Variants in LRRC9 observed in about 807,000 individuals in gnomAD.
LRRC9 encodes leucine rich repeat containing 9.
A neutral mutation model predicts 63.2 loss-of-function variants in LRRC9; 122 were observed. That is an observed-to-expected ratio of 1.93 (90% confidence interval 1.67 to 2.24). The LOEUF (loss-of-function observed/expected upper bound fraction) is 2.24, where lower values mean the gene tolerates loss of function less well. Among genes scored for constraint, LRRC9 ranks in the 30% most tolerant of loss-of-function variants. LRRC9 has a pLI of 0.00. For missense variants in LRRC9, 1,071 were observed against 627.7 expected (o/e 1.71, Z -7.55); for synonymous variants, 366 against 213.1 (o/e 1.72, Z -6.25).
At chr14:60,023,563 A>G (rs1891282745) in intron 27 of LRRC9, among the ~76,000 whole-genome samples, 3 of 152,070 alleles carry the variant, frequency 2.0e-5, no homozygotes, top group African/African-American at 4.8e-5. Flanking sequence ...TCCTCTAAAC[A>G]TGATTAATTT....
At chr14:59,929,576 G>A (rs987054522) in intron 3 of LRRC9, among the ~76,000 whole-genome samples, 1 of 151,978 alleles carries the variant, frequency 6.6e-6, no homozygotes, top group Non-Finnish European at 1.5e-5. Context: ...CCATTACTGG[G>A]TATATACCCA....
intron 17 of LRRC9, among the ~76,000 whole-genome samples, chr14:59,994,924 G>A (rs1888585653): frequency 6.6e-6 from 1 of 151,838 alleles, no homozygotes; most frequent in Admixed American, 6.6e-5. Flanking sequence ...TGAGTTACTG[G>A]GTGCAGCACA....
intron 5 of LRRC9, 103 bp downstream of exon 5, chr14:59,931,785 G>C: frequency 1.6e-6 from 1 of 611,818 alleles, no homozygotes; most frequent in East Asian, 2.8e-5. Context: ...TTTTTTCTGT[G>C]ACATATTTGC....
intron 7 of LRRC9, among the ~76,000 whole-genome samples, chr14:59,940,536 CA>C (rs1881652191): frequency 6.6e-6 from 1 of 152,036 alleles, no homozygotes; most frequent in Non-Finnish European, 1.5e-5. Flanking sequence ...GAGGGAAGAA[CA>C]TATGGATTCA....
rs1893763560 is a variant in LRRC9 at position 60,050,090 on chromosome 14, G to A, written c.3991-2975G>A. 2.0e-5 allele frequency among the ~76,000 whole-genome samples: 3 copies of A among 151,946 alleles called. No homozygotes were observed. The East Asian group carries it at 5.8e-4, about 29-fold the overall frequency. On this transcript the variant is annotated intron_variant, in intron 29 of 31. Coordinates refer to ENST00000445360, the Ensembl canonical transcript of LRRC9. ...CGGCTCACTGCAACCTCCACCTCCT[G>A]GGTTCAAGTGATTCTCCTGCCTCAG...
chr14:59,992,769 A>G (rs1888294250), intron 17 of LRRC9, among the ~76,000 whole-genome samples: 2 of 152,324 alleles, frequency 1.3e-5, no homozygotes, highest in South Asian at 4.1e-4. Context: ...AAAAGAATAA[A>G]AAGAAATGAA....
At chr14:59,989,927 CTTT>C (rs71451089) in intron 17 of LRRC9, among the ~76,000 whole-genome samples, 2 of 132,314 alleles carry the variant, frequency 1.5e-5, no homozygotes, top group African/African-American at 2.8e-5. Context: ...CTAGACCTTC[CTTT>C]TTTTTTTTTT....
rs1887462930 is a variant in LRRC9 at position 59,986,268 on chromosome 14, C to A, written c.2211+1044C>A. ...ATGTGGTTCCAGAACTGCAACCCAG[C>A]ATCTCCTGTTTACATGGGTTCCAGG... On this transcript the variant is annotated intron_variant, in intron 17 of 31. Transcript: ENST00000445360. This position sits in a 1 kb window ranked among gnomAD's most constrained non-coding sequence, Gnocchi z 4.7. Among the ~76,000 whole-genome samples the A allele has an allele frequency of 6.6e-6, 1 of 152,150 alleles. No individual in the cohort carries two copies. The highest frequency in any genetic ancestry group is 1.5e-5 in the Non-Finnish European group (1 of 68,008).
chr14:59,939,028 T>TATATACAC (rs1881436180), intron 7 of LRRC9, among the ~76,000 whole-genome samples: 1 of 147,778 alleles, frequency 6.8e-6, no homozygotes. Context: ...TATATATACA[T>TATATACAC]ATATACACAT....
chr14:59,988,935 A>G (rs1261964153), intron 17 of LRRC9, among the ~76,000 whole-genome samples: 4 of 152,152 alleles, frequency 2.6e-5, no homozygotes, highest in African/African-American at 9.6e-5. Context: ...TTTGGCTCAC[A>G]ATTTATTTTT....
At chr14:60,052,018 C>A (rs1893932303) in intron 29 of LRRC9, among the ~76,000 whole-genome samples, 1 of 152,154 alleles carries the variant, frequency 6.6e-6, no homozygotes, top group East Asian at 1.9e-4. Context: ...CCTAGTCAGT[C>A]CCAATGTGAG....
intron 28 of LRRC9, among the ~76,000 whole-genome samples, chr14:60,029,607 T>G (rs1043500195): frequency 6.6e-6 from 1 of 152,094 alleles, no homozygotes; most frequent in Admixed American, 6.6e-5. Context: ...AGATTAGACC[T>G]GGTAATCTGC....
At chr14:59,937,949 C>T (rs1881221429) in intron 6 of LRRC9, among the ~76,000 whole-genome samples, 2 of 152,046 alleles carry the variant, frequency 1.3e-5, no homozygotes, top group Non-Finnish European at 2.9e-5. Context: ...GATCCCATAG[C>T]CTTTAATGAG....
intron 29 of LRRC9, among the ~76,000 whole-genome samples, chr14:60,050,713 T>C (rs901311891): frequency 3.5e-4 from 53 of 152,224 alleles, no homozygotes; most frequent in African/African-American, 1.3e-3. Context: ...GGGGCTTATC[T>C]ACCTTCAATC....
intron 17 of LRRC9, among the ~76,000 whole-genome samples, chr14:59,994,808 C>A (rs1313330927): frequency 7.1e-6 from 1 of 140,570 alleles, no homozygotes. Flanking sequence ...GGGAATTGAA[C>A]AATGAAAACA....
chr14:59,959,283 C>T (rs1034884074), intron 8 of LRRC9, among the ~76,000 whole-genome samples: 2 of 152,000 alleles, frequency 1.3e-5, no homozygotes, highest in African/African-American at 4.8e-5. Flanking sequence ...ATCTTAAGAC[C>T]AGTGCTGTGC....
chr14:60,000,717 AT>A (rs1161758268), intron 19 of LRRC9, among the ~76,000 whole-genome samples: 1 of 152,150 alleles, frequency 6.6e-6, no homozygotes, highest in Non-Finnish European at 1.5e-5. Context: ...TTTGTGAATA[AT>A]TTAGTAGGCA....
At chr14:60,010,896 G>A (rs1213948781) in intron 23 of LRRC9, among the ~76,000 whole-genome samples, 1 of 152,110 alleles carries the variant, frequency 6.6e-6, no homozygotes, top group East Asian at 1.9e-4. Flanking sequence ...ATCACTATCA[G>A]CATTTTGGTC....
chr14:59,951,663 C>T (rs1432567803), intron 8 of LRRC9, among the ~76,000 whole-genome samples: 1 of 147,732 alleles, frequency 6.8e-6, no homozygotes, highest in Admixed American at 6.7e-5. Flanking sequence ...TGGTGATGTA[C>T]AGATGGGTTT....
Sources: allele counts gnomAD v4.1 joint callset (sites outside exome capture counted in the v4.1 genomes callset), GRCh38; gene constraint gnomAD v4.1.1; non-coding constraint Gnocchi (gnomAD v3.1); transcripts MANE v1.5; gene names NCBI Gene and HGNC (gene_info 2026-07-23, HGNC 2026-07-21).